IL36RN: variants seen among roughly 807,000 people sequenced by gnomAD.
IL36RN encodes the protein interleukin 36 receptor antagonist.
In IL36RN, 11 loss-of-function variants were observed where a neutral mutation model predicts 13.0. The ratio of observed to expected loss-of-function variants is 0.85; its 90% CI spans 0.53 to 1.40. The LOEUF is 1.40. IL36RN is among the 40% of genes most tolerant of loss of function. The pLI, the probability that IL36RN is intolerant of heterozygous loss-of-function variation, is 0.00. For synonymous variants in IL36RN, 94 were observed against 84.1 expected (o/e 1.12, Z -0.64); for missense variants, 195 against 195.3 (o/e 1.00, Z 0.01).
Position 113,062,588 on chromosome 2 carries a change from G to A in IL36RN, c.379G>A (p.Ala127Thr). Residue 127 changes from alanine to threonine, a missense_variant, in exon 5 of 5, where the codon GCC becomes ACC. Coordinates refer to ENST00000393200, the MANE Select transcript of IL36RN (RefSeq NM_012275.3). ...PGWFLCTVPE[A>T]DQPVRLTQLP... ...CTGGTTCCTGTGCACGGTGCCTGAA[G>A]CCGATCAGCCTGTCAGACTCACCCA... 2 of 1,613,842 alleles carry A rather than the reference G, an allele frequency of 1.2e-6. No individual in the cohort carries two copies. Among genetic ancestry groups the A allele is most frequent in the Non-Finnish European group, 1.7e-6 (2 of 1,180,038 alleles).
At chr2:113,060,695 C>T (rs535918754) in intron 2 of IL36RN, among the ~76,000 whole-genome samples, 157 bp from the exon 3 acceptor site, 2 of 152,298 alleles carry the variant, frequency 1.3e-5, no homozygotes, top group South Asian at 4.1e-4. Context: ...GGGCATGAGC[C>T]CAGCAGGGCT....
chr2:113,063,094 T>A lies in IL36RN; in HGVS notation c.*417T>A. ...CACATGAAGACCTGTCACTCACCACTATGCAGGAGAGGGAGGTGGTCATAG... is the reference window on the plus strand; with the variant it reads ...CACATGAAGACCTGTCACTCACCACAATGCAGGAGAGGGAGGTGGTCATAG... On this transcript the variant is annotated 3_prime_UTR_variant, in exon 5 of 5. Transcript: ENST00000393200. 3.0e-6 allele frequency: 1 copy of A among 328,478 alleles called. No individual in the cohort carries two copies. The allele number at this position is 328,478 out of a possible 1,614,324, so 20.3% of individuals were successfully genotyped here.
intron 4 of IL36RN, 57 bp from the exon 5 acceptor site, chr2:113,062,396 A>C (rs2105069603): frequency 6.2e-7 from 1 of 1,606,984 alleles, no homozygotes; most frequent in East Asian, 2.2e-5. Context: ...GATCCTGCCC[A>C]GCCCTCCCTC....
At chr2:113,060,707 G>A in intron 2 of IL36RN, 145 bp from the exon 3 acceptor site, 1 of 709,104 alleles carries the variant, frequency 1.4e-6, no homozygotes, top group Non-Finnish European at 2.6e-6. Context: ...AGCAGGGCTG[G>A]GAGACAAGGC....
Position 113,064,629 on chromosome 2 carries a change from A to G in IL36RN, c.*1952A>G, listed in dbSNP as rs774557986. On this transcript the variant is annotated 3_prime_UTR_variant, in exon 5 of 5. Transcript: ENST00000393200. ...GAAGTCTCCTGCCCACAGCCACATT[A>G]GTGAACCTAGAAGCAGAGACTCTGT... 3 of 152,218 alleles carry G rather than the reference A, an allele frequency of 2.0e-5. No homozygotes were observed. Among genetic ancestry groups the G allele is most frequent in the African/African-American group, 4.8e-5 (2 of 41,444 alleles). 9.4% of individuals were successfully genotyped at this position (152,218 alleles called of 1,614,324 possible). A position where few individuals can be genotyped will look rare whatever the true frequency, so the allele number is the denominator to read the frequency against.
upstream of IL36RN, chr2:113,059,086 G>A (rs904208483): frequency 2.8e-5 from 10 of 359,890 alleles, no homozygotes; most frequent in Non-Finnish European, 4.7e-5. Flanking sequence ...TGCTTCTGGC[G>A]ACTTAGGGTG....
intron 3 of IL36RN, 102 bp from the exon 4 acceptor site, chr2:113,062,022 G>A (rs1685650230): frequency 1.3e-6 from 2 of 1,504,784 alleles, no homozygotes; most frequent in Non-Finnish European, 1.8e-6. Flanking sequence ...TGCCCAGCCT[G>A]GGGGCAGGCC....
intron 4 of IL36RN, 40 bp downstream of exon 4, chr2:113,062,291 A>G (rs1437332611): frequency 2.5e-5 from 41 of 1,612,568 alleles, no homozygotes; most frequent in Non-Finnish European, 3.5e-5. Flanking sequence ...TCAGCCACAG[A>G]TGCTGAGCCT....
Position 113,062,706 on chromosome 2 carries a change from C to A in IL36RN, c.*29C>A. On this transcript the variant is annotated 3_prime_UTR_variant, in exon 5 of 5. Coordinates refer to ENST00000393200, the MANE Select transcript of IL36RN (RefSeq NM_012275.3). ...AACGTGCCCCCCAGAACTCCCTGGG[C>A]AGAGCCAGCTCGGGTGAGGGGTGAG... 6.3e-7 allele frequency: 1 copy of A among 1,589,326 alleles called. No individual in the cohort carries two copies. Among genetic ancestry groups the A allele is most frequent in the Non-Finnish European group, 8.6e-7 (1 of 1,166,348 alleles).
At chr2:113,060,630 G>T (rs1685622801) in intron 2 of IL36RN, among the ~76,000 whole-genome samples, 1 of 152,186 alleles carries the variant, frequency 6.6e-6, no homozygotes, top group Non-Finnish European at 1.5e-5. Context: ...GTTGAATAGG[G>T]TGAAGGAGCA....
chr2:113,060,708 G>A, intron 2 of IL36RN, 144 bp from the exon 3 acceptor site: 1 of 710,312 alleles, frequency 1.4e-6, no homozygotes, highest in Non-Finnish European at 2.6e-6. Context: ...GCAGGGCTGG[G>A]AGACAAGGCT....
rs1424377493 is a variant in IL36RN, at chr2:113,062,630, G to A, written c.421G>A (p.Gly141Ser). Residue 141 changes from glycine (G) to serine (S), a missense_variant, in exon 5 of 5, where the codon GGC becomes AGC. Coordinates refer to ENST00000393200, the MANE Select transcript of IL36RN (RefSeq NM_012275.3). ...VRLTQLPENG[G>S]WNAPITDFYF... ...ACTCACCCAGCTTCCCGAGAATGGT[G>A]GCTGGAATGCCCCCATCACAGACTT... 6.2e-7 allele frequency: 1 copy of A among 1,613,216 alleles called. No individual in the cohort carries two copies. Among genetic ancestry groups the A allele is most frequent in the Non-Finnish European group, 8.5e-7 (1 of 1,180,012 alleles).
In IL36RN at chr2:113,062,568, T is replaced by A. The variant is rs927668394; in HGVS notation, c.359T>A (p.Phe120Tyr). 1 of 1,613,794 alleles carries A rather than the reference T, an allele frequency of 6.2e-7. No individual in the cohort carries two copies. The highest frequency in any genetic ancestry group is 1.3e-5 in the African/African-American group (1 of 74,886). Residue 120 changes from phenylalanine (F) to tyrosine (Y), a missense_variant, in exon 5 of 5, where the codon TTC becomes TAC. By Grantham distance (22) the Phe-to-Tyr change is conservative. Coordinates refer to ENST00000393200, the MANE Select transcript of IL36RN (RefSeq NM_012275.3). The part of the protein sequence containing the change: ...SFESAAYPGW[F>Y]LCTVPEADQP... ...GAGTCGGCTGCCTACCCGGGCTGGT[T>A]CCTGTGCACGGTGCCTGAAGCCGAT...
intron 2 of IL36RN, 32 bp from the exon 3 acceptor site, chr2:113,060,820 A>G: frequency 6.6e-7 from 1 of 1,523,462 alleles, no homozygotes; most frequent in Non-Finnish European, 9.1e-7. Flanking sequence ...CCCTCCTCCT[A>G]ATGTAGTCCT....
rs1685590597 is a variant in IL36RN at position 113,059,314 on chromosome 2, G to A, written c.-28+73G>A. ...ACCCAGAATCTGCTCCGTGGAGGCT[G>A]TTCACATGCTGGGGAGCTCGGTGCA... On this transcript the variant is annotated intron_variant, in intron 1 of 4. Transcript: ENST00000393200. The A allele has an allele frequency of 3.9e-6, 4 of 1,036,742 alleles. No homozygotes were observed. The Admixed American group carries it at 5.6e-5, about 14-fold the overall frequency. 64.2% of individuals were successfully genotyped at this position (1,036,742 alleles called of 1,614,324 possible).
chr2:113,063,769 G>T lies in IL36RN; in HGVS notation c.*1092G>T, dbSNP rs761782916. ...GAGGAGGAGGCTGTGCTGAGTTTGT[G>T]TGGCTGGAATCTCTGGGTAAGGAAC... On this transcript the variant is annotated 3_prime_UTR_variant, in exon 5 of 5. Transcript: ENST00000393200. The T allele has an allele frequency of 5.9e-5, 9 of 152,284 alleles. No homozygotes were observed. In the Middle Eastern group the frequency reaches 0.01, roughly 173 times the overall value. The allele number at this position is 152,284 out of a possible 1,614,324, so 9.4% of individuals were successfully genotyped here. A position where few individuals can be genotyped will look rare whatever the true frequency, so the allele number is the denominator to read the frequency against.
rs781557920 is a variant in IL36RN at position 113,062,652 on chromosome 2, A to C, written c.443A>C (p.Asp148Ala). The C allele has an allele frequency of 6.2e-7, 1 of 1,612,090 alleles. No individual in the cohort carries two copies. The change falls in exon 5 of 5, where the codon GAC becomes GCC. Residue 148 changes from aspartate to alanine, a missense_variant. Transcript: ENST00000393200. ...ENGGWNAPIT[D>A]FYFQQCD is the part of the protein sequence containing the mutation. ...GGTGGCTGGAATGCCCCCATCACAG[A>C]CTTCTACTTCCAGCAGTGTGACTAG...
intron 3 of IL36RN, among the ~76,000 whole-genome samples, chr2:113,061,408 C>T (rs1685636746): frequency 1.3e-5 from 2 of 152,194 alleles, no homozygotes; most frequent in Admixed American, 1.3e-4. Context: ...TGCTTGCTCA[C>T]TCTGCCCCAT....
At chr2:113,059,516 T>C in intron 2 of IL36RN, 49 bp downstream of exon 2, 4 of 1,606,626 alleles carry the variant, frequency 2.5e-6, no homozygotes, top group African/African-American at 1.3e-5. Flanking sequence ...AGGAAGTGAG[T>C]TCTGGATAGA....
Sources: allele counts gnomAD v4.1 joint callset (sites outside exome capture counted in the v4.1 genomes callset), GRCh38; gene constraint gnomAD v4.1.1; transcripts MANE v1.5; gene names NCBI Gene and HGNC (gene_info 2026-07-23, HGNC 2026-07-21).